Variants in DRD1 observed in about 807,000 individuals in gnomAD.
DRD1 encodes dopamine receptor D1, also known as D(1A) dopamine receptor.
In DRD1, 2 loss-of-function variants were observed where a neutral mutation model predicts 23.8. The ratio of observed to expected loss-of-function variants is 0.08; its 90% CI spans 0.03 to 0.26. The LOEUF (loss-of-function observed/expected upper bound fraction) is 0.26. Among genes scored for constraint, DRD1 ranks in the 10% least tolerant of loss-of-function variants. The probability of loss-of-function intolerance (pLI) is 1.00; values close to 1 mark genes in which losing one functional copy is unlikely to be tolerated. For synonymous variants in DRD1, 218 were observed against 225.7 expected (o/e 0.97, Z 0.30); for missense variants, 376 against 559.0 (o/e 0.67, Z 3.30).
chr5:175,441,539 G>A lies in DRD1; in HGVS notation c.*220C>T, dbSNP rs538621545. 2 of 467,474 alleles carry A rather than the reference G, an allele frequency of 4.3e-6. No homozygotes were observed. The highest frequency in any genetic ancestry group is 1.5e-4 in the South Asian group (2 of 13,668). 29.0% of individuals were successfully genotyped at this position (467,474 alleles called of 1,614,324 possible). On this transcript the variant is annotated 3_prime_UTR_variant, in exon 2 of 2. Transcript: ENST00000393752. ...TGAAGCCAAAGACATGTCCCTTATG[G>A]CTCCCCATGTTTGTAGTGTCCCTGT... is the stretch of plus-strand genomic sequence containing the variant.
At chr5:175,443,663 A>G (rs1758563004) in intron 1 of DRD1, 36 bp downstream of exon 1, 1 of 156,256 alleles carries the variant, frequency 6.4e-6, no homozygotes, top group Non-Finnish European at 1.4e-5. Context: ...AGCCCAACCT[A>G]ATAATTCCCA....
chr5:175,442,361 T>C lies in DRD1; in HGVS notation c.739A>G (p.Asn247Asp). ...TGAGAACATTCGACAGGCTTTCCAT[T>C]ACCTGTGGTGGTCTGGCAATTCTTG... ...HAKNCQTTTGNGKPVECSQPE... is the reference protein window; with the variant it reads ...HAKNCQTTTGDGKPVECSQPE... Residue 247 changes from asparagine (N) to aspartate (D), a missense_variant, in exon 2 of 2, where the codon AAT becomes GAT. Around this residue, in one of 5 missense-constraint regions of DRD1, gnomAD observed 44 missense variants for 46.7 expected, o/e 0.94. Transcript: ENST00000393752. The surrounding 1 kb of genome is among the most constrained non-coding windows in gnomAD (Gnocchi z 7.3). 2 of 1,614,184 alleles carry C rather than the reference T, an allele frequency of 1.2e-6. No individual in the cohort carries two copies. The highest frequency in any genetic ancestry group is 1.7e-6 in the Non-Finnish European group (2 of 1,180,032).
In DRD1 at chr5:175,442,644, T is replaced by C. The variant is rs774032796; in HGVS notation, c.456A>G (p.Val152=). 2.5e-6 allele frequency: 4 copies of C among 1,613,438 alleles called. No individual in the cohort carries two copies. The highest frequency in any genetic ancestry group is 1.1e-5 in the South Asian group (1 of 91,032). Residue 152 remains valine, a synonymous_variant, in exon 2 of 2, where the codon GTA becomes GTG. Transcript: ENST00000393752. The surrounding 1 kb of genome is among the most constrained non-coding windows in gnomAD (Gnocchi z 7.3). ...GCTGCACTGGGATGAAGGAGATGAGTACAGACAAGGTCCATGCCACACTGA... is the reference window on the plus strand; with the variant it reads ...GCTGCACTGGGATGAAGGAGATGAGCACAGACAAGGTCCATGCCACACTGA... ...ILISVAWTLS[V]LISFIPVQLS...
chr5:175,443,112 A>G lies in DRD1; in HGVS notation c.-13T>C. The G allele has an allele frequency of 6.2e-7, 1 of 1,609,310 alleles. No homozygotes were observed. The highest frequency in any genetic ancestry group is 8.5e-7 in the Non-Finnish European group (1 of 1,177,188). On this transcript the variant is annotated 5_prime_UTR_variant, in exon 2 of 2. Coordinates refer to ENST00000393752, the MANE Select transcript of DRD1 (RefSeq NM_000794.5). The stretch of plus-strand genomic sequence containing the variant: ...TCAGAGTCCTCATCTTCCTAAGAGA[A>G]AGCACATCAGGGGCTCTGACACCCC...
chr5:175,441,391 A>G lies in DRD1; in HGVS notation c.*368T>C, dbSNP rs1007910556. The G allele has an allele frequency of 1.7e-5, 3 of 179,808 alleles. No individual in the cohort carries two copies. The highest frequency in any genetic ancestry group is 4.7e-5 in the African/African-American group (2 of 42,210). The allele number at this position is 179,808 out of a possible 1,614,324, so 11.1% of individuals were successfully genotyped here. ...ACAGTGTTAGCACCTGTTTGTATAC[A>G]GCAAACTCAACCCATCTCATTTTCT... On this transcript the variant is annotated 3_prime_UTR_variant, in exon 2 of 2. Coordinates refer to ENST00000393752, the MANE Select transcript of DRD1 (RefSeq NM_000794.5).
At position 175,441,332 on chromosome 5, in the gene DRD1, C is replaced by T. The variant is rs1758514863; in HGVS notation, c.*427G>A. 6.4e-6 allele frequency: 1 copy of T among 156,224 alleles called. No homozygotes were observed. Among genetic ancestry groups the T allele is most frequent in the South Asian group, 2.0e-4 (1 of 4,924 alleles). The allele number at this position is 156,224 out of a possible 1,614,324, so 9.7% of individuals were successfully genotyped here. On this transcript the variant is annotated 3_prime_UTR_variant, in exon 2 of 2. Transcript: ENST00000393752. ...TTTAGAAATAATTTATGAAGGCATG[C>T]ACCTACCTTTACAATCTGAAAACTT... is the stretch of plus-strand genomic sequence containing the variant.
rs192224189 is a variant in DRD1 at position 175,443,262 on chromosome 5, G to T, written c.-163C>A. On this transcript the variant is annotated 5_prime_UTR_variant, in exon 2 of 2. Transcript: ENST00000393752. ...CTCACCAACATTCCATGAGAGGACC[G>T]CTTGAGTGGCAATCCAAGTCAATCC... 1.1e-5 allele frequency: 9 copies of T among 846,086 alleles called. No individual in the cohort carries two copies. Among genetic ancestry groups the T allele is most frequent in the African/African-American group, 1.7e-5 (1 of 58,486 alleles). 52.4% of individuals were successfully genotyped at this position (846,086 alleles called of 1,614,324 possible).
Position 175,442,807 on chromosome 5 carries a change from A to C in DRD1, c.293T>G (p.Ile98Ser), listed in dbSNP as rs1447487016. 6.2e-7 allele frequency: 1 copy of C among 1,614,114 alleles called. No homozygotes were observed. Among genetic ancestry groups the C allele is most frequent in the Non-Finnish European group, 8.5e-7 (1 of 1,180,024 alleles). The change falls in exon 2 of 2, where the codon ATC becomes AGC. Residue 98 changes from isoleucine (I) to serine (S), a missense_variant. Transcript: ENST00000393752. The surrounding 1 kb of genome is among the most constrained non-coding windows in gnomAD (Gnocchi z 7.3). ...GFWPFGSFCN[I>S]WVAFDIMCST... ...GCACATGATGTCAAAGGCCACCCAG[A>C]TGTTACAGAAGGACCCAAAGGGCCA... is the stretch of plus-strand genomic sequence containing the variant.
In DRD1 at chr5:175,443,261, C is replaced by A. The variant is rs1158967231; in HGVS notation, c.-162G>T. ...CCTCACCAACATTCCATGAGAGGAC[C>A]GCTTGAGTGGCAATCCAAGTCAATC... On this transcript the variant is annotated 5_prime_UTR_variant, in exon 2 of 2. Transcript: ENST00000393752. 1.1e-6 allele frequency: 1 copy of A among 888,746 alleles called. No homozygotes were observed. Among genetic ancestry groups the A allele is most frequent in the East Asian group, 2.6e-5 (1 of 37,766 alleles). 55.1% of individuals were successfully genotyped at this position (888,746 alleles called of 1,614,324 possible).
In DRD1 at chr5:175,443,206, G is replaced by GA. The variant is rs1758556488; in HGVS notation, c.-108_-107insT. ...AGTCCTCCCCACCAGGCAGCACTTT[G>GA]CACAGCCAGATTGCTTCCCTGGCAG... is the stretch of plus-strand genomic sequence containing the variant. On this transcript the variant is annotated 5_prime_UTR_variant, in exon 2 of 2. An upstream open reading frame in the 5' UTR gains an earlier in-frame stop. Coordinates refer to ENST00000393752, the MANE Select transcript of DRD1 (RefSeq NM_000794.5). 1.4e-6 allele frequency: 2 copies of GA among 1,457,676 alleles called. No homozygotes were observed. The highest frequency in any genetic ancestry group is 4.6e-5 in the East Asian group (2 of 43,538). 90.3% of individuals were successfully genotyped at this position (1,457,676 alleles called of 1,614,324 possible). A position where few individuals can be genotyped will look rare whatever the true frequency, so the allele number is the denominator to read the frequency against.
rs1758548446 is a variant in DRD1 at position 175,442,919 on chromosome 5, A to G, written c.181T>C (p.Phe61Leu). 1.2e-6 allele frequency: 2 copies of G among 1,613,920 alleles called. No homozygotes were observed. Among genetic ancestry groups the G allele is most frequent in the Middle Eastern group, 1.6e-4 (1 of 6,084 alleles). The stretch of plus-strand genomic sequence containing the variant: ...GACACAGCCAAGGAGATGACAAAGA[A>G]GTTGGTCACCTTGGACCGCAGGTGT... ...FRHLRSKVTN[F>L]FVISLAVSDL... is the part of the protein sequence containing the mutation. The change falls in exon 2 of 2, where the codon TTC (phenylalanine) becomes CTC (leucine). Residue 61 changes from phenylalanine to leucine, a missense_variant. By Grantham distance (22) the Phe-to-Leu change is conservative (BLOSUM62 0). This residue lies in a region of DRD1 where 121 missense variants were observed against 239.4 expected (regional missense o/e 0.51). Coordinates refer to ENST00000393752, the MANE Select transcript of DRD1 (RefSeq NM_000794.5). This position sits in a 1 kb window ranked among gnomAD's most constrained non-coding sequence, Gnocchi z 7.3.
chr5:175,440,036 T>C lies in DRD1; in HGVS notation c.*1723A>G, dbSNP rs913224771. On this transcript the variant is annotated 3_prime_UTR_variant, in exon 2 of 2. Coordinates refer to ENST00000393752, the MANE Select transcript of DRD1 (RefSeq NM_000794.5). Reference sequence around the variant, plus strand: ...TGCAACACAGCTCATTCAGGGTTGATTTGAGTTCACAAAATATTTTTATTA... The same window carrying C: ...TGCAACACAGCTCATTCAGGGTTGACTTGAGTTCACAAAATATTTTTATTA... 5.3e-5 allele frequency: 8 copies of C among 152,230 alleles called. No homozygotes were observed. Among genetic ancestry groups the C allele is most frequent in the African/African-American group, 1.9e-4 (8 of 41,464 alleles). 9.4% of individuals were successfully genotyped at this position (152,230 alleles called of 1,614,324 possible).
At position 175,440,091 on chromosome 5, in the gene DRD1, T is replaced by C. The variant is rs1037331945; in HGVS notation, c.*1668A>G. On this transcript the variant is annotated 3_prime_UTR_variant, in exon 2 of 2. Coordinates refer to ENST00000393752, the MANE Select transcript of DRD1 (RefSeq NM_000794.5). Reference sequence around the variant, plus strand: ...TAAGAAAGCATACAGCCAATAAAATTAAGAAAACATTCACAATACATAAAT... The same window carrying C: ...TAAGAAAGCATACAGCCAATAAAATCAAGAAAACATTCACAATACATAAAT... 14 of 152,230 alleles carry C rather than the reference T, an allele frequency of 9.2e-5. No individual in the cohort carries two copies. The highest frequency in any genetic ancestry group is 4.6e-4 in the Admixed American group (7 of 15,284). 9.4% of individuals were successfully genotyped at this position (152,230 alleles called of 1,614,324 possible).
In DRD1 at chr5:175,440,232, ACT is replaced by A. The variant is rs991592912; in HGVS notation, c.*1525_*1526del. The A allele has an allele frequency of 8.4e-4, 128 of 152,162 alleles. No homozygotes were observed. Among genetic ancestry groups the A allele is most frequent in the African/African-American group, 3.0e-3 (126 of 41,480 alleles). 9.4% of individuals were successfully genotyped at this position (152,162 alleles called of 1,614,324 possible). ...AATACGTTGTAAACATTTCAAAGAAACTCTGTTGAAATGCCCCACGAGTTGGC... is the reference window on the plus strand; with the variant it reads ...AATACGTTGTAAACATTTCAAAGAAACTGTTGAAATGCCCCACGAGTTGGC... On this transcript the variant is annotated 3_prime_UTR_variant, in exon 2 of 2. Coordinates refer to ENST00000393752, the MANE Select transcript of DRD1 (RefSeq NM_000794.5).
In DRD1 at chr5:175,440,566, A is replaced by C. The variant is rs1758503819; in HGVS notation, c.*1193T>G. On this transcript the variant is annotated 3_prime_UTR_variant, in exon 2 of 2. Coordinates refer to ENST00000393752, the MANE Select transcript of DRD1 (RefSeq NM_000794.5). ...TAGCCCCACTGACTGGTTTGGTTTG[A>C]CCTGGTAAGATGGAAATGCAGGGTT... 1 of 152,606 alleles carries C rather than the reference A, an allele frequency of 6.6e-6. No individual in the cohort carries two copies. Among genetic ancestry groups the C allele is most frequent in the Non-Finnish European group, 1.5e-5 (1 of 68,032 alleles). The allele number at this position is 152,606 out of a possible 1,614,324, so 9.5% of individuals were successfully genotyped here. A position where few individuals can be genotyped will look rare whatever the true frequency, so the allele number is the denominator to read the frequency against.
At position 175,442,265 on chromosome 5, in the gene DRD1, C is replaced by G; in HGVS notation, c.835G>C (p.Gly279Arg). The G allele has an allele frequency of 6.2e-7, 1 of 1,614,054 alleles. No homozygotes were observed. Among genetic ancestry groups the G allele is most frequent in the Non-Finnish European group, 8.5e-7 (1 of 1,180,024 alleles). ...KVLKTLSVIMGVFVCCWLPFF... is the reference protein window; with the variant it reads ...KVLKTLSVIMRVFVCCWLPFF... ...GGTAGCCAACAGCACACAAACACAC[C>G]CATGATCACCGACAGAGTCTTCAGG... The change falls in exon 2 of 2, where the codon GGT becomes CGT. Residue 279 changes from glycine to arginine, a missense_variant. Around this residue, in one of 5 missense-constraint regions of DRD1, gnomAD observed 47 missense variants for 106.7 expected, o/e 0.44. Transcript: ENST00000393752. The surrounding 1 kb of genome is among the most constrained non-coding windows in gnomAD (Gnocchi z 7.3).
Position 175,442,311 on chromosome 5 carries a change from G to T in DRD1, c.789C>A (p.Ser263=), listed in dbSNP as rs1033094253. 4 of 1,613,988 alleles carry T rather than the reference G, an allele frequency of 2.5e-6. No individual in the cohort carries two copies. In the African/African-American group the frequency reaches 5.3e-5, roughly 22 times the overall value. The change falls in exon 2 of 2, where the codon TCC becomes TCA. Residue 263 remains serine (S), a synonymous_variant. Transcript: ENST00000393752. This position sits in a 1 kb window ranked among gnomAD's most constrained non-coding sequence, Gnocchi z 7.3. ...TCAGGACTTTAGTTTCTCTTTTGAA[G>T]GACATCTTAAAAGAACTTTCCGGTT... ...CSQPESSFKM[S]FKRETKVLKT... is the part of the protein sequence containing the mutation.
rs767604497 is a variant in DRD1, at chr5:175,443,013, G to C, written c.87C>G (p.Phe29Leu). The C allele has an allele frequency of 1.9e-6, 3 of 1,614,168 alleles. No homozygotes were observed. The highest frequency in any genetic ancestry group is 2.7e-5 in the African/African-American group (2 of 75,038). Residue 29 changes from phenylalanine (F) to leucine (L), a missense_variant, in exon 2 of 2, where the codon TTC (phenylalanine) becomes TTG (leucine). Physicochemically the swap from Phe to Leu is conservative, Grantham distance 22. Transcript: ENST00000393752. ...GCGTGGACAGGATGAGCAGCGACAG[G>C]AAACAGGCAGTGAGGATACGAACAG... is the stretch of plus-strand genomic sequence containing the variant. ...DFSVRILTACFLSLLILSTLL... is the reference protein window; with the variant it reads ...DFSVRILTACLLSLLILSTLL...
chr5:175,441,620 T>C lies in DRD1; in HGVS notation c.*139A>G, dbSNP rs928651015. 7.5e-6 allele frequency: 8 copies of C among 1,063,246 alleles called. No individual in the cohort carries two copies. In the African/African-American group the frequency reaches 1.1e-4, roughly 15 times the overall value. The allele number at this position is 1,063,246 out of a possible 1,614,324, so 65.9% of individuals were successfully genotyped here. A position where few individuals can be genotyped will look rare whatever the true frequency, so the allele number is the denominator to read the frequency against. On this transcript the variant is annotated 3_prime_UTR_variant, in exon 2 of 2. Transcript: ENST00000393752. Reference sequence around the variant, plus strand: ...ACTGGAATGTATTTGGAAACGGAGTTAATTGTGTGTTGGAAAGCAGCAGAG... The same window carrying C: ...ACTGGAATGTATTTGGAAACGGAGTCAATTGTGTGTTGGAAAGCAGCAGAG...
Sources: gnomAD v4.1 joint callset for allele counts on GRCh38, gnomAD v4.1.1 for gene constraint, gnomAD v4.1.1 regional missense constraint, Gnocchi (gnomAD v3.1) non-coding constraint, MANE v1.5 for transcripts, NCBI Gene and HGNC (gene_info 2026-07-23, HGNC 2026-07-21) for gene names.